Variants in PPEF2 observed in about 807,000 individuals in gnomAD.
PPEF2 encodes the protein protein phosphatase with EF-hand domain 2.
In PPEF2, 84 loss-of-function variants were observed where a neutral mutation model predicts 84.7. That is an observed-to-expected ratio of 0.99 (90% CI 0.83 to 1.19). The LOEUF (loss-of-function observed/expected upper bound fraction) is 1.19, where lower values mean the gene tolerates loss of function less well. Among genes scored for constraint, PPEF2 ranks in the 50% most tolerant of loss-of-function variants. The pLI is 0.00. For synonymous variants in PPEF2, 346 were observed against 345.2 expected, an observed-to-expected ratio of 1.00 and a Z score of -0.03; for missense variants, 924 against 937.5, an observed-to-expected ratio of 0.99 and a Z score of 0.19.
chr4:75,888,416 C>T (rs2280100), intron 5 of PPEF2, 88 bp from the exon 6 acceptor site: 191,691 of 943,190 alleles, frequency 0.2, 28,237 homozygotes, highest in East Asian at 0.53. Flanking sequence ...TAACAACCCC[C>T]ATCACCTAAG....
At position 75,883,817 on chromosome 4, in the gene PPEF2, CAAAAAAAAAAAAA is replaced by C. The variant is rs35897623; in HGVS notation, c.747-628_747-616del. Among the ~76,000 whole-genome samples, 2 of 60,702 alleles carry C rather than the reference CAAAAAAAAAAAAA, an allele frequency of 3.3e-5. 1 individual carries two copies. The highest frequency in any genetic ancestry group is 5.5e-5 in the Non-Finnish European group (2 of 36,202). 39.8% of individuals were successfully genotyped at this position (60,702 alleles called of 152,430 possible). A position where few individuals can be genotyped will look rare whatever the true frequency, so the allele number is the denominator to read the frequency against. Reference sequence around the variant, plus strand: ...TGGGTGACCAAGCGAGACTCCGTCACAAAAAAAAAAAAAAAAAAAAAAAAAATCTGGGCTGGAC... The same window carrying C: ...TGGGTGACCAAGCGAGACTCCGTCACAAAAAAAAAAAAATCTGGGCTGGAC... On this transcript the variant is annotated intron_variant, in intron 8 of 16. Transcript: ENST00000286719.
chr4:75,867,093 C>T (rs1724148383), intron 14 of PPEF2, among the ~76,000 whole-genome samples: 1 of 152,052 alleles, frequency 6.6e-6, no homozygotes, highest in Non-Finnish European at 1.5e-5. Flanking sequence ...TTTGTTTTCA[C>T]CCTCTCTATT....
rs1724334148 is a variant in PPEF2, at chr4:75,873,448, G to T, written c.1321-136C>A. On this transcript the variant is annotated intron_variant, in intron 11 of 16. Coordinates refer to ENST00000286719, the MANE Select transcript of PPEF2 (RefSeq NM_006239.3). ...ATAAATGTCCATGCAAGCAATATTT[G>T]ACATACATTTATATTTTGGACCTCT... 7.1e-6 allele frequency: 6 copies of T among 847,592 alleles called. No individual in the cohort carries two copies. The South Asian group carries it at 1.2e-4, about 16-fold the overall frequency. 52.5% of individuals were successfully genotyped at this position (847,592 alleles called of 1,614,324 possible).
intron 14 of PPEF2, 176 bp from the exon 15 acceptor site, chr4:75,866,528 T>C (rs1185738305): frequency 1.3e-6 from 1 of 755,088 alleles, no homozygotes; most frequent in Non-Finnish European, 2.3e-6. Flanking sequence ...GCTTGCCAGA[T>C]AAAATACAAG....
At chr4:75,867,281 C>T in intron 14 of PPEF2, 32 bp downstream of exon 14, 1 of 1,544,790 alleles carries the variant, frequency 6.5e-7, no homozygotes, top group Non-Finnish European at 8.9e-7. Flanking sequence ...TAGCTTCCTT[C>T]CTCTGTGAAT....
chr4:75,878,371 G>A (rs1480139829), intron 10 of PPEF2, among the ~76,000 whole-genome samples: 1 of 152,214 alleles, frequency 6.6e-6, no homozygotes, highest in African/African-American at 2.4e-5. Flanking sequence ...TGAACCCCGA[G>A]GGGGAAGACT....
Position 75,873,259 on chromosome 4 carries a change from G to A in PPEF2, c.1374C>T (p.Asn458=). ...DPMAQEGCKA[N]TIRGGGCYFG... ...AATAACAGCCTCCTCCTCGAATAGT[G>A]TTGGCCTTGCAGCCCTCTTGAGCCA... Residue 458 remains asparagine (N), a synonymous_variant, in exon 12 of 17, where the codon AAC becomes AAT. Coordinates refer to ENST00000286719, the MANE Select transcript of PPEF2 (RefSeq NM_006239.3). The A allele has an allele frequency of 6.2e-7, 1 of 1,614,144 alleles. No homozygotes were observed. Among genetic ancestry groups the A allele is most frequent in the Non-Finnish European group, 8.5e-7 (1 of 1,180,024 alleles).
At chr4:75,862,947 T>C (rs1346603767) in intron 16 of PPEF2, among the ~76,000 whole-genome samples, 2 of 152,204 alleles carry the variant, frequency 1.3e-5, no homozygotes, top group African/African-American at 4.8e-5. Context: ...GTCCACACAG[T>C]GGAATATTAT....
chr4:75,862,289 T>A (rs1315038065), intron 16 of PPEF2, among the ~76,000 whole-genome samples: 1 of 57,382 alleles, frequency 1.7e-5, no homozygotes, highest in Non-Finnish European at 2.9e-5. Flanking sequence ...CGAGACTCCA[T>A]CTCAAAAAAA....
At chr4:75,897,644 G>A (rs910010967) in intron 1 of PPEF2, among the ~76,000 whole-genome samples, 6 of 152,130 alleles carry the variant, frequency 3.9e-5, no homozygotes, top group African/African-American at 1.4e-4. Flanking sequence ...GTGTGGTGGT[G>A]CACACTTGTA....
intron 5 of PPEF2, 76 bp downstream of exon 5, chr4:75,889,881 T>C (rs1297071220): frequency 4.0e-6 from 6 of 1,512,554 alleles, no homozygotes; most frequent in African/African-American, 1.4e-5. Context: ...GGGGCCATTC[T>C]TTCTGTGCTG....
intron 4 of PPEF2, 143 bp from the exon 5 acceptor site, chr4:75,890,275 C>A: frequency 1.1e-6 from 1 of 888,296 alleles, no homozygotes; most frequent in South Asian, 1.8e-5. Flanking sequence ...TGCTTGAGCC[C>A]AGGAGTTTGA....
chr4:75,865,633 T>A (rs1356881093), intron 15 of PPEF2, among the ~76,000 whole-genome samples: 1 of 151,586 alleles, frequency 6.6e-6, no homozygotes, highest in East Asian at 2.0e-4. Context: ...TGATCCACCC[T>A]CCTCAGCCTC....
intron 16 of PPEF2, 146 bp downstream of exon 16, chr4:75,864,294 T>C (rs191904971): frequency 1.6e-6 from 1 of 637,108 alleles, no homozygotes; most frequent in African/African-American, 1.8e-5. Flanking sequence ...TTTCCTAGTT[T>C]CTGTCATTTA....
chr4:75,874,026 G>A (rs1017521693), intron 11 of PPEF2, among the ~76,000 whole-genome samples: 2 of 151,780 alleles, frequency 1.3e-5, no homozygotes, highest in Non-Finnish European at 2.9e-5. Flanking sequence ...GAGAATCACT[G>A]TAACCCGGAA....
intron 10 of PPEF2, among the ~76,000 whole-genome samples, chr4:75,880,814 T>TG (rs1251625057): frequency 6.5e-5 from 5 of 76,722 alleles, no homozygotes; most frequent in African/African-American, 1.6e-4. Context: ...CTTTTTTTTT[T>TG]TTTTGAGACA....
At position 75,889,982 on chromosome 4, in the gene PPEF2, A is replaced by G; in HGVS notation, c.392T>C (p.Leu131Pro). 6.2e-7 allele frequency: 1 copy of G among 1,614,110 alleles called. No individual in the cohort carries two copies. The highest frequency in any genetic ancestry group is 1.1e-5 in the South Asian group (1 of 91,080). Residue 131 changes from leucine to proline, a missense_variant, in exon 5 of 17, where the codon CTG becomes CCG. Physicochemically the swap from Leu to Pro is moderately conservative, Grantham distance 98 (BLOSUM62 -3). Transcript: ENST00000286719. ...FPLLPDHATA[L>P]VEAFRLKQQL... The stretch of plus-strand genomic sequence containing the variant: ...TTGTTTCAGTCTGAATGCTTCTACC[A>G]GGGCAGTTGCATGGTCAGGCAGGAG...
chr4:75,872,288 C>T, intron 12 of PPEF2, 121 bp from the exon 13 acceptor site: 1 of 950,342 alleles, frequency 1.1e-6, no homozygotes, highest in African/African-American at 1.7e-5. Context: ...ATCTGGGAAT[C>T]CTTTTCTTTC....
chr4:75,872,097 C>A lies in PPEF2; in HGVS notation c.1577G>T (p.Gly526Val). The A allele has an allele frequency of 6.2e-7, 1 of 1,613,820 alleles. No homozygotes were observed. Among genetic ancestry groups the A allele is most frequent in the Non-Finnish European group, 8.5e-7 (1 of 1,179,840 alleles). ...GSNRGAYVKL[G>V]PALTPHIVQY... ...CACAATATGTGGGGTCAGGGCTGGCCCCAGTTTGACATAGGCCCCTCTGTT... is the reference window on the plus strand; with the variant it reads ...CACAATATGTGGGGTCAGGGCTGGCACCAGTTTGACATAGGCCCCTCTGTT... Residue 526 changes from glycine to valine, a missense_variant, in exon 13 of 17, where the codon GGG becomes GTG. By Grantham distance (109) the Gly-to-Val change is moderately radical. Transcript: ENST00000286719.
Sources: gnomAD v4.1 joint callset for allele counts (sites outside exome capture counted in the v4.1 genomes callset) on GRCh38, gnomAD v4.1.1 for gene constraint, MANE v1.5 for transcripts, NCBI Gene and HGNC (gene_info 2026-07-23, HGNC 2026-07-21) for gene names.